The following COL18A1 variants were observed in gnomAD, a reference collection of about 807,000 sequenced individuals.
The protein encoded by COL18A1 is collagen type XVIII alpha 1 chain.
A neutral mutation model predicts 168.0 loss-of-function variants in COL18A1; 133 were observed. The ratio of observed to expected loss-of-function variants is 0.79; its 90% CI spans 0.69 to 0.91. COL18A1 has a LOEUF of 0.91. Ranked by LOEUF, COL18A1 falls within the 40% of genes least tolerant of loss-of-function variation. The pLI, the probability that COL18A1 is intolerant of heterozygous loss-of-function variation, is 0.00. For synonymous variants in COL18A1, 949 were observed against 809.0 expected (o/e 1.17, Z -2.94); for missense variants, 2,126 against 1,925.4 (o/e 1.10, Z -1.95).
intron 3 of COL18A1, among the ~76,000 whole-genome samples, chr21:45,472,921 C>T (rs571504993): frequency 1.3e-5 from 2 of 152,356 alleles, no homozygotes; most frequent in African/African-American, 4.8e-5. Flanking sequence ...CACACCCCGT[C>T]CTGCAGGCTC....
chr21:45,495,942 G>GTA (rs1602557587), intron 29 of COL18A1: 1 of 323,186 alleles, frequency 3.1e-6, no homozygotes, highest in East Asian at 7.9e-5. Context: ...CACTGCACAT[G>GTA]TATACTCATG....
intron 15 of COL18A1, among the ~76,000 whole-genome samples, chr21:45,483,589 C>G (rs1167353941): frequency 6.6e-6 from 1 of 152,306 alleles, no homozygotes; most frequent in South Asian, 2.1e-4. Flanking sequence ...GCCGACCCCA[C>G]CACAGACGCC....
rs150032215 is a variant in COL18A1 at position 45,463,523 on chromosome 21, G to A, written c.107-4719G>A. The stretch of plus-strand genomic sequence containing the variant: ...CCCATGCACTTGTTAATTAGTTGGG[G>A]AGATGGATTCCTGGCGCTTTCCATC... On this transcript the variant is annotated intron_variant, in intron 2 of 41. Coordinates refer to ENST00000651438, the MANE Select transcript of COL18A1 (RefSeq NM_001379500.1). This position sits in a 1 kb window ranked among gnomAD's most constrained non-coding sequence, Gnocchi z 4.0. Among the ~76,000 whole-genome samples the A allele has an allele frequency of 4.6e-5, 7 of 152,342 alleles. No individual in the cohort carries two copies. Among genetic ancestry groups the A allele is most frequent in the Non-Finnish European group, 1.0e-4 (7 of 68,034 alleles).
intron 2 of COL18A1, among the ~76,000 whole-genome samples, chr21:45,453,260 C>G (rs934069396): frequency 6.6e-6 from 1 of 152,074 alleles, no homozygotes; most frequent in African/African-American, 2.4e-5. Flanking sequence ...GCATTCATGT[C>G]TGGCACGTAC....
At chr21:45,477,388 G>A in intron 6 of COL18A1, 23 bp from the exon 7 acceptor site, 3 of 1,604,148 alleles carry the variant, frequency 1.9e-6, no homozygotes. Flanking sequence ...CGTGACCGTG[G>A]CCACCTCTGC....
At chr21:45,488,097 GCCACAGCCCTGC>G (rs1011154210) in intron 17 of COL18A1, among the ~76,000 whole-genome samples, 4 of 152,328 alleles carry the variant, frequency 2.6e-5, no homozygotes, top group African/African-American at 9.6e-5. Flanking sequence ...AGCCCCCGGG[GCCACAGCCCTGC>G]CCAAGAGACA....
chr21:45,460,498 G>A (rs2063130781), intron 2 of COL18A1, among the ~76,000 whole-genome samples: 1 of 152,220 alleles, frequency 6.6e-6, no homozygotes, highest in African/African-American at 2.4e-5. Flanking sequence ...CCACGGGAGT[G>A]CACGTGAAGG....
At chr21:45,437,182 ACTCACACAGACACACAGG>A (rs2034139099) in intron 2 of COL18A1, among the ~76,000 whole-genome samples, 1 of 89,280 alleles carries the variant, frequency 1.1e-5, no homozygotes, top group East Asian at 3.3e-4. Context: ...CTGCACACAC[ACTCACACAGACACACAGG>A]CACTCTCCTG....
At chr21:45,464,882 G>A (rs548688841) in intron 2 of COL18A1, among the ~76,000 whole-genome samples, 49 of 152,304 alleles carry the variant, frequency 3.2e-4, no homozygotes, top group Admixed American at 2.6e-3. Context: ...GTAAAATTAC[G>A]CTTGTGGGTT....
At chr21:45,447,230 A>G (rs1186545756) in intron 2 of COL18A1, among the ~76,000 whole-genome samples, 1 of 151,074 alleles carries the variant, frequency 6.6e-6, no homozygotes, top group African/African-American at 2.4e-5. Context: ...TATATATCAT[A>G]TATCATATGT....
Position 45,467,178 on chromosome 21 carries a change from T to G in COL18A1, c.107-1064T>G, listed in dbSNP as rs186155724. ...AGTCACTCTGAGCAGGGTCTGCCCT[T>G]GAGTGGGTGCTGCCCCCCTCCCGTG... On this transcript the variant is annotated intron_variant, in intron 2 of 41. Coordinates refer to ENST00000651438, the MANE Select transcript of COL18A1 (RefSeq NM_001379500.1). 2,987 of 937,032 alleles carry G rather than the reference T, an allele frequency of 3.2e-3. 13 individuals are homozygous for G. The highest frequency in any genetic ancestry group is 3.2e-3 in the Non-Finnish European group (2,524 of 785,816). 58.0% of individuals were successfully genotyped at this position (937,032 alleles called of 1,614,324 possible).
At chr21:45,417,173 G>A (rs767650760) in intron 2 of COL18A1, among the ~76,000 whole-genome samples, 27 of 152,128 alleles carry the variant, frequency 1.8e-4, no homozygotes, top group Non-Finnish European at 3.2e-4. Flanking sequence ...CGGAGAGCCC[G>A]CCCAGATTCC....
At chr21:45,427,200 C>T (rs1233475080) in intron 2 of COL18A1, among the ~76,000 whole-genome samples, 1 of 152,180 alleles carries the variant, frequency 6.6e-6, no homozygotes, top group South Asian at 2.1e-4. Flanking sequence ...TTCTGTTCTC[C>T]GTGTGGGTGC....
intron 41 of COL18A1, among the ~76,000 whole-genome samples, chr21:45,511,762 G>A (rs1461424902): frequency 6.6e-6 from 1 of 152,210 alleles, no homozygotes; most frequent in African/African-American, 2.4e-5. Context: ...CTGGCCATCT[G>A]CTGTAACGGA....
intron 9 of COL18A1, 78 bp from the exon 10 acceptor site, chr21:45,479,824 G>T: frequency 6.3e-7 from 1 of 1,595,262 alleles, no homozygotes; most frequent in South Asian, 1.1e-5. Context: ...CCCCTGCTTG[G>T]GGGAGGAGCA....
In COL18A1 at chr21:45,498,782, C is replaced by T. The variant is rs865802665; in HGVS notation, c.2683+1121C>T. Among the ~76,000 whole-genome samples, 2 of 152,204 alleles carry T rather than the reference C, an allele frequency of 1.3e-5. No individual in the cohort carries two copies. The highest frequency in any genetic ancestry group is 1.3e-4 in the Admixed American group (2 of 15,282). ...ACACACCAGACCAGGAGGCCCAGCTCATGGGGTCATCGGACCCACCTTGAA... is the reference window on the plus strand; with the variant it reads ...ACACACCAGACCAGGAGGCCCAGCTTATGGGGTCATCGGACCCACCTTGAA... On this transcript the variant is annotated intron_variant, in intron 32 of 41. Coordinates refer to ENST00000651438, the MANE Select transcript of COL18A1 (RefSeq NM_001379500.1). This position sits in a 1 kb window ranked among gnomAD's most constrained non-coding sequence, Gnocchi z 4.5.
intron 7 of COL18A1, 45 bp downstream of exon 7, chr21:45,477,532 A>G: frequency 6.5e-7 from 1 of 1,549,960 alleles, no homozygotes; most frequent in South Asian, 1.2e-5. Context: ...GAACCAGAGC[A>G]CCTGTGGCCT....
intron 4 of COL18A1, among the ~76,000 whole-genome samples, chr21:45,474,487 G>T (rs2035566572): frequency 6.6e-6 from 1 of 151,642 alleles, no homozygotes; most frequent in Non-Finnish European, 1.5e-5. Flanking sequence ...CTCTGTGTGT[G>T]TGGTGTGTCT....
chr21:45,491,130 TG>T, intron 21 of COL18A1, 94 bp from the exon 22 acceptor site: 1 of 1,147,592 alleles, frequency 8.7e-7, no homozygotes. Context: ...TCACCCACCG[TG>T]GGCTCTGGGC....
Sources: gnomAD v4.1 joint callset for allele counts (sites outside exome capture counted in the v4.1 genomes callset) on GRCh38, gnomAD v4.1.1 for gene constraint, Gnocchi (gnomAD v3.1) non-coding constraint, MANE v1.5 for transcripts, NCBI Gene and HGNC (gene_info 2026-07-23, HGNC 2026-07-21) for gene names.